MYL10: variants seen among roughly 807,000 people sequenced by gnomAD.
The protein encoded by MYL10 is myosin light chain 10, also known as myosin regulatory light chain 10.
MYL10 carries 18 observed loss-of-function variants against 21.9 expected under a neutral mutation model. The ratio of observed to expected loss-of-function variants is 0.82; its 90% CI spans 0.57 to 1.22. The LOEUF is 1.22. Ranked by LOEUF, MYL10 falls within the 50% of genes most tolerant of loss-of-function variation. MYL10 has a pLI of 0.00. For synonymous variants in MYL10, 88 were observed against 82.8 expected (o/e 1.06, Z -0.34); for missense variants, 225 against 230.4 (o/e 0.98, Z 0.15).
intron 1 of MYL10, among the ~76,000 whole-genome samples, chr7:101,625,890 T>C (rs1443244024): frequency 1.3e-5 from 2 of 151,910 alleles, no homozygotes; most frequent in East Asian, 3.9e-4. Flanking sequence ...GGCCTCGGCG[T>C]CCTCAGTCCC....
intron 3 of MYL10, 121 bp downstream of exon 3, chr7:101,623,799 G>A (rs1014387495): frequency 4.3e-5 from 8 of 184,218 alleles, no homozygotes; most frequent in Non-Finnish European, 6.8e-5. Context: ...AGGCCGAGGC[G>A]GGTGGATCAC....
Position 101,613,550 on chromosome 7 carries a change from A to T in MYL10, c.606T>A (p.Phe202Leu). The change falls in exon 8 of 8, where the codon TTT (phenylalanine) becomes TTA (leucine). Residue 202 changes from phenylalanine (F) to leucine (L), a missense_variant. Physicochemically the swap from Phe to Leu is conservative, Grantham distance 22 (BLOSUM62 0). Transcript: ENST00000223167. ...CCAGGTTGCCGCACACATCTGGGGG[A>T]AATGCTGCAAACATCTGCTTGACCT... is the stretch of plus-strand genomic sequence containing the variant. ...EEEVKQMFAA[F>L]PPDVCGNLDY... 1 of 1,614,140 alleles carries T rather than the reference A, an allele frequency of 6.2e-7. No individual in the cohort carries two copies. Among genetic ancestry groups the T allele is most frequent in the Non-Finnish European group, 8.5e-7 (1 of 1,180,024 alleles).
rs758998826 is a variant in MYL10 at position 101,624,166 on chromosome 7, A to G, written c.171+6T>C. 1.9e-5 allele frequency: 30 copies of G among 1,598,784 alleles called. No individual in the cohort carries two copies. The highest frequency in any genetic ancestry group is 6.0e-6 in the Non-Finnish European group (7 of 1,167,808). On this transcript the variant is annotated splice_donor_region_variant and intron_variant, in intron 2 of 7. Coordinates refer to ENST00000223167, the MANE Select transcript of MYL10 (RefSeq NM_138403.5). ...TCATAACAGCCCCATGGGGCAGCAG[A>G]CCAACCTCTTTAAACTCCTGGATCT...
intron 1 of MYL10, 105 bp downstream of exon 1, chr7:101,628,936 C>A: frequency 2.4e-6 from 1 of 418,710 alleles, no homozygotes; most frequent in Non-Finnish European, 4.7e-6. Flanking sequence ...CACATTCAAT[C>A]CATATCCCAT....
At chr7:101,617,305 G>A (rs1796619711) in intron 5 of MYL10, among the ~76,000 whole-genome samples, 1 of 152,242 alleles carries the variant, frequency 6.6e-6, no homozygotes, top group African/African-American at 2.4e-5. Flanking sequence ...GATCAGGGCT[G>A]CAAATACATC....
chr7:101,625,584 C>T (rs928671463), intron 1 of MYL10, among the ~76,000 whole-genome samples: 2 of 152,152 alleles, frequency 1.3e-5, no homozygotes, highest in East Asian at 1.9e-4. Flanking sequence ...TCCCCACCCC[C>T]GCCCAGGAGC....
intron 1 of MYL10, chr7:101,627,570 G>T (rs1796761284): frequency 6.5e-6 from 1 of 152,856 alleles, no homozygotes; most frequent in Admixed American, 6.5e-5. Context: ...CCCCTGGCAT[G>T]CACCGGGCCC....
intron 1 of MYL10, among the ~76,000 whole-genome samples, chr7:101,626,156 C>T (rs1031757568): frequency 2.0e-5 from 3 of 152,236 alleles, no homozygotes; most frequent in Non-Finnish European, 4.4e-5. Context: ...GGCTTGGCTG[C>T]TCCCAGCCTC....
chr7:101,622,866 G>T, intron 4 of MYL10, 131 bp downstream of exon 4: 1 of 730,194 alleles, frequency 1.4e-6, no homozygotes, highest in Non-Finnish European at 2.2e-6. Context: ...CCAGACAGTG[G>T]CTGCCTTTAC....
chr7:101,614,162 G>A (rs1796582074), intron 6 of MYL10, among the ~76,000 whole-genome samples: 1 of 152,198 alleles, frequency 6.6e-6, no homozygotes, highest in Admixed American at 6.5e-5. Flanking sequence ...AGGAAGGCCT[G>A]CCCAGGTCCG....
rs574825717 is a variant in MYL10, at chr7:101,621,721, T to C, written c.454+375A>G. Reference sequence around the variant, plus strand: ...CTCCCACCTCAGCCTCCAAAGTAGCTGGGACTACAGGCATGTGTCACCATG... The same window carrying C: ...CTCCCACCTCAGCCTCCAAAGTAGCCGGGACTACAGGCATGTGTCACCATG... On this transcript the variant is annotated intron_variant, in intron 5 of 7. Transcript: ENST00000223167. Among the ~76,000 whole-genome samples, 7 of 152,218 alleles carry C rather than the reference T, an allele frequency of 4.6e-5. No individual in the cohort carries two copies. The South Asian group carries it at 1.5e-3, about 32-fold the overall frequency.
chr7:101,617,987 C>T (rs1009585014), intron 5 of MYL10, among the ~76,000 whole-genome samples: 2 of 151,606 alleles, frequency 1.3e-5, no homozygotes, highest in African/African-American at 4.8e-5. Context: ...CCCCATCACA[C>T]CAGATCAAGG....
chr7:101,620,292 T>C (rs1160705335), intron 5 of MYL10, among the ~76,000 whole-genome samples: 1 of 152,100 alleles, frequency 6.6e-6, no homozygotes, highest in Non-Finnish European at 1.5e-5. Flanking sequence ...GCCATTATAC[T>C]CCAGCCTGGG....
intron 1 of MYL10, among the ~76,000 whole-genome samples, chr7:101,626,878 G>A (rs1796752629): frequency 6.6e-6 from 1 of 152,196 alleles, no homozygotes; most frequent in African/African-American, 2.4e-5. Flanking sequence ...GCAAAGAGCA[G>A]GTCAGACCAG....
chr7:101,622,890 G>A, intron 4 of MYL10, 107 bp downstream of exon 4: 1 of 994,900 alleles, frequency 1.0e-6, no homozygotes, highest in Non-Finnish European at 1.5e-6. Context: ...GTGCTCCCCA[G>A]CACAGGAGCC....
intron 1 of MYL10, among the ~76,000 whole-genome samples, chr7:101,628,687 T>A (rs1198466106): frequency 6.6e-6 from 1 of 152,082 alleles, no homozygotes; most frequent in Admixed American, 6.5e-5. Flanking sequence ...GCTGCCACTG[T>A]CCATCTGGGG....
chr7:101,622,072 C>G (rs781311417), intron 5 of MYL10, 24 bp downstream of exon 5: 2 of 1,588,714 alleles, frequency 1.3e-6, no homozygotes, highest in African/African-American at 2.7e-5. Context: ...GCTGCCCCTC[C>G]AGGACTCCAG....
chr7:101,622,849 T>C, intron 4 of MYL10, 148 bp downstream of exon 4: 1 of 639,754 alleles, frequency 1.6e-6, no homozygotes, highest in Non-Finnish European at 2.6e-6. Flanking sequence ...GGTCCCCCCC[T>C]GACTTTCCAG....
chr7:101,627,341 G>A (rs1193175176), intron 1 of MYL10: 3 of 150,680 alleles, frequency 2.0e-5, no homozygotes, highest in African/African-American at 7.3e-5. Context: ...GGCAGGGGCA[G>A]GGGCAGGGGC....
Sources: allele counts gnomAD v4.1 joint callset (sites outside exome capture counted in the v4.1 genomes callset), GRCh38; gene constraint gnomAD v4.1.1; transcripts MANE v1.5; gene names NCBI Gene and HGNC (gene_info 2026-07-23, HGNC 2026-07-21).